EPHA5: variants seen among roughly 807,000 people sequenced by gnomAD.
EPHA5 encodes EPH receptor A5.
EPHA5 carries 60 observed loss-of-function variants against 105.0 expected under a neutral mutation model. The ratio of observed to expected loss-of-function variants is 0.57; its 90% confidence interval spans 0.46 to 0.71. The LOEUF is 0.71. Among genes scored for constraint, EPHA5 ranks in the 30% least tolerant of loss-of-function variants. The pLI is 0.00. For synonymous variants in EPHA5, 513 were observed against 449.1 expected (o/e 1.14, Z -1.80); for missense variants, 1,218 against 1,274.7 (o/e 0.96, Z 0.68).
intron 3 of EPHA5, among the ~76,000 whole-genome samples, chr4:65,555,734 T>C (rs571409334): frequency 2.0e-5 from 3 of 150,416 alleles, no homozygotes; most frequent in Admixed American, 6.6e-5. Flanking sequence ...AATTTTTATG[T>C]TAAAAATCAT....
chr4:65,522,316 G>GTATATATA (rs58851174), intron 3 of EPHA5, among the ~76,000 whole-genome samples: 5 of 142,860 alleles, frequency 3.5e-5, no homozygotes, highest in African/African-American at 1.3e-4. Context: ...ATATATATAT[G>GTATATATA]TATATATATA....
At chr4:65,553,567 A>G (rs978165953) in intron 3 of EPHA5, among the ~76,000 whole-genome samples, 1 of 152,054 alleles carries the variant, frequency 6.6e-6, no homozygotes, top group Non-Finnish European at 1.5e-5. Flanking sequence ...ATTTGTTTCC[A>G]GTCAGTTCAT....
intron 15 of EPHA5, 59 bp downstream of exon 15, chr4:65,335,873 T>A: frequency 6.8e-7 from 1 of 1,464,998 alleles, no homozygotes; most frequent in Non-Finnish European, 9.2e-7. Flanking sequence ...GATAAAATAT[T>A]TGTGACATCA....
Position 65,543,052 on chromosome 4 carries a change from C to T in EPHA5, c.911-47509G>A, listed in dbSNP as rs191627350. On this transcript the variant is annotated intron_variant, in intron 3 of 16. Coordinates refer to ENST00000613740, the MANE Select transcript of EPHA5 (RefSeq NM_001281766.3). Reference sequence around the variant, plus strand: ...CAAGGTAAAAACTCTTAATAAACTACGTATTGATGGAACATATCTCAAAAT... The same window carrying T: ...CAAGGTAAAAACTCTTAATAAACTATGTATTGATGGAACATATCTCAAAAT... Among the ~76,000 whole-genome samples, 725 of 151,660 alleles carry T rather than the reference C, an allele frequency of 4.8e-3. 1 individual carries two copies. Among genetic ancestry groups the T allele is most frequent in the Middle Eastern group, 0.01 (3 of 292 alleles).
chr4:65,567,973 C>A (rs1739727348), intron 3 of EPHA5, among the ~76,000 whole-genome samples: 1 of 151,124 alleles, frequency 6.6e-6, no homozygotes, highest in Non-Finnish European at 1.5e-5. Flanking sequence ...ACTTTTCATA[C>A]TCAAAATGTT....
At chr4:65,416,192 A>G (rs991304637) in intron 6 of EPHA5, among the ~76,000 whole-genome samples, 1 of 151,982 alleles carries the variant, frequency 6.6e-6, no homozygotes, top group Non-Finnish European at 1.5e-5. Context: ...ACTTTATAAA[A>G]TTTTCATTTT....
chr4:65,563,056 T>A (rs1739179261), intron 3 of EPHA5, among the ~76,000 whole-genome samples: 1 of 152,006 alleles, frequency 6.6e-6, no homozygotes, highest in Middle Eastern at 3.2e-3. Flanking sequence ...AACCTTGTGA[T>A]CATGATAAAA....
In EPHA5 at chr4:65,501,771, AC is replaced by A. The variant is rs567207084; in HGVS notation, c.911-6229del. 5.5e-4 allele frequency among the ~76,000 whole-genome samples: 83 copies of A among 151,294 alleles called. 1 individual carries two copies. The South Asian group carries it at 0.017, about 32-fold the overall frequency. ...AAACTTTTCCAAAATTCATATGGAA[AC>A]AAAATGCGCCCAAATAGCTGAAGTA... On this transcript the variant is annotated intron_variant, in intron 3 of 16. Transcript: ENST00000613740.
chr4:65,656,194 T>C (rs34078094), intron 1 of EPHA5, among the ~76,000 whole-genome samples: 86,927 of 147,388 alleles, frequency 0.59, 25,657 homozygotes, highest in Middle Eastern at 0.69. Flanking sequence ...TATGGCTTTC[T>C]ACAATGACTC....
rs898088328 is a variant in EPHA5, at chr4:65,529,031, G to A, written c.911-33488C>T. Among the ~76,000 whole-genome samples, 9 of 152,094 alleles carry A rather than the reference G, an allele frequency of 5.9e-5. 1 individual carries two copies. The highest frequency in any genetic ancestry group is 5.2e-4 in the Admixed American group (8 of 15,246). On this transcript the variant is annotated intron_variant, in intron 3 of 16. Transcript: ENST00000613740. ...TTGAAGTTATTTCTGAGGTTTTAGA[G>A]TGTTTAAAAACTATGTTCAATTAAA...
chr4:65,449,797 A>T (rs866801148), intron 5 of EPHA5, among the ~76,000 whole-genome samples: 1 of 152,156 alleles, frequency 6.6e-6, no homozygotes, highest in East Asian at 1.9e-4. Flanking sequence ...GGTATCACAC[A>T]GGTACCCTTT....
chr4:65,479,670 AACCTGGGTCTCTGTT>A (rs1265197817), intron 5 of EPHA5, among the ~76,000 whole-genome samples: 1 of 152,148 alleles, frequency 6.6e-6, no homozygotes, highest in Non-Finnish European at 1.5e-5. Flanking sequence ...GCAGTAAGAG[AACCTGGGTCTCTGTT>A]ACTGGGTGAG....
intron 7 of EPHA5, 31 bp from the exon 8 acceptor site, chr4:65,404,510 G>A (rs2148991703): frequency 6.3e-7 from 1 of 1,595,830 alleles, no homozygotes; most frequent in Non-Finnish European, 8.6e-7. Flanking sequence ...TGGAGCTTGT[G>A]GTTAAAGTGA....
chr4:65,515,210 A>G (rs965544933), intron 3 of EPHA5, among the ~76,000 whole-genome samples: 2 of 152,088 alleles, frequency 1.3e-5, no homozygotes, highest in African/African-American at 4.8e-5. Context: ...CACTTTATCT[A>G]TTACTTAAAG....
At chr4:65,428,031 GACAT>G (rs1724615446) in intron 5 of EPHA5, among the ~76,000 whole-genome samples, 1 of 151,792 alleles carries the variant, frequency 6.6e-6, no homozygotes, top group Non-Finnish European at 1.5e-5. Context: ...ACATCACATA[GACAT>G]ACATACATCT....
chr4:65,522,334 A>ATATACATATATATATATAT (rs1560643533), intron 3 of EPHA5, among the ~76,000 whole-genome samples: 1 of 149,926 alleles, frequency 6.7e-6, no homozygotes, highest in African/African-American at 2.5e-5. Flanking sequence ...ATATATATAT[A>ATATACATATATATATATAT]AAATCAACAG....
At chr4:65,495,635 G>T in intron 3 of EPHA5, 92 bp from the exon 4 acceptor site, 2 of 1,025,522 alleles carry the variant, frequency 2.0e-6, no homozygotes, top group South Asian at 3.8e-5. Context: ...TGTATATGCA[G>T]ATTACAGATA....
intron 1 of EPHA5, among the ~76,000 whole-genome samples, chr4:65,644,492 G>A (rs1331896091): frequency 1.3e-5 from 2 of 152,030 alleles, no homozygotes; most frequent in African/African-American, 4.8e-5. Flanking sequence ...TCCTTAAGCT[G>A]TATTCAAAAG....
chr4:65,482,374 C>G (rs1304015261), intron 5 of EPHA5, among the ~76,000 whole-genome samples: 1 of 150,504 alleles, frequency 6.6e-6, no homozygotes. Context: ...TTCACTATAA[C>G]AATAAAAAAG....
Sources: gnomAD v4.1 joint callset for allele counts (sites outside exome capture counted in the v4.1 genomes callset) on GRCh38, gnomAD v4.1.1 for gene constraint, MANE v1.5 for transcripts, NCBI Gene and HGNC (gene_info 2026-07-23, HGNC 2026-07-21) for gene names.